The following GPR19 variants were observed in gnomAD, a reference collection of about 807,000 sequenced individuals.
GPR19 encodes probable G protein-coupled receptor 19.
A neutral mutation model predicts 28.5 loss-of-function variants in GPR19; 14 were observed. The ratio of observed to expected loss-of-function variants is 0.49; its 90% CI spans 0.32 to 0.77. The LOEUF (loss-of-function observed/expected upper bound fraction) is 0.77, where lower values mean the gene tolerates loss of function less well. Among genes scored for constraint, GPR19 ranks in the 30% least tolerant of loss-of-function variants. The pLI is 0.03. For missense variants in GPR19, 409 were observed against 504.1 expected, an observed-to-expected ratio of 0.81 and a Z score of 1.81; for synonymous variants, 173 against 184.1, an observed-to-expected ratio of 0.94 and a Z score of 0.49.
intron 3 of GPR19, among the ~76,000 whole-genome samples, chr12:12,667,793 T>G (rs1592254451): frequency 6.6e-6 from 1 of 152,258 alleles, no homozygotes; most frequent in African/African-American, 2.4e-5. Flanking sequence ...CTTTGCTTTG[T>G]AATTTTTATT....
intron 3 of GPR19, among the ~76,000 whole-genome samples, chr12:12,668,788 G>A (rs1945817237): frequency 6.6e-6 from 1 of 152,050 alleles, no homozygotes; most frequent in Admixed American, 6.6e-5. Context: ...CATGACAGTA[G>A]TTATAGCATT....
chr12:12,670,467 A>ACC (rs967095304), intron 3 of GPR19, among the ~76,000 whole-genome samples: 5 of 152,142 alleles, frequency 3.3e-5, no homozygotes, highest in African/African-American at 1.2e-4. Flanking sequence ...AAGTTACCTA[A>ACC]CCCTCTTGAG....
upstream of GPR19, among the ~76,000 whole-genome samples, chr12:12,698,680 G>A (rs1448584128): frequency 6.6e-6 from 1 of 150,942 alleles, no homozygotes; most frequent in South Asian, 2.1e-4. Flanking sequence ...GCTTGATCTC[G>A]GCTCACTGTG....
chr12:12,673,531 G>A (rs781609906), intron 3 of GPR19, among the ~76,000 whole-genome samples: 8 of 152,148 alleles, frequency 5.3e-5, no homozygotes, highest in Non-Finnish European at 1.0e-4. Flanking sequence ...ATCTCTGAAA[G>A]CACCCTGTCT....
chr12:12,707,288 C>T, the GPR19 span, among the ~76,000 whole-genome samples: 22 of 152,322 alleles, frequency 1.4e-4, no homozygotes, highest in Non-Finnish European at 2.5e-4. Context: ...CCTTCATTAC[C>T]CTCCGTACTC....
At chr12:12,683,942 C>G (rs1021661029) in intron 3 of GPR19, among the ~76,000 whole-genome samples, 5 of 15,924 alleles carry the variant, frequency 3.1e-4, no homozygotes, top group Non-Finnish European at 6.1e-4. Context: ...CTGCCCACTT[C>G]AGCTCCCCAA....
Position 12,661,446 on chromosome 12 carries a change from C to T in GPR19, c.1003G>A (p.Ala335Thr). The change falls in exon 4 of 4, where the codon GCC (alanine) becomes ACC (threonine). Residue 335 changes from alanine to threonine, a missense_variant. Coordinates refer to ENST00000651487, the MANE Select transcript of GPR19 (RefSeq NM_006143.3). The surrounding 1 kb of genome is among the most constrained non-coding windows in gnomAD (Gnocchi z 4.2). The stretch of plus-strand genomic sequence containing the variant: ...TCTTTCATCCCTCTCCGAAAATTGG[C>T]ATTATAAATTGAATACAGAGTAGGT... ...SKPTLYSIYN[A>T]NFRRGMKETF... is the part of the protein sequence containing the mutation. 6.2e-7 allele frequency: 1 copy of T among 1,613,456 alleles called. No homozygotes were observed. The highest frequency in any genetic ancestry group is 8.5e-7 in the Non-Finnish European group (1 of 1,179,498).
At position 12,662,107 on chromosome 12, in the gene GPR19, G is replaced by C. The variant is rs1343952765; in HGVS notation, c.342C>G (p.Ile114Met). The change falls in exon 4 of 4, where the codon ATC becomes ATG. Residue 114 changes from isoleucine (I) to methionine (M), a missense_variant. Coordinates refer to ENST00000651487, the MANE Select transcript of GPR19 (RefSeq NM_006143.3). ...VVSMACADLL[I>M]SVASTPFVLL... ...GGACGAAAGGCGTGCTGGCAACGCT[G>C]ATGAGAAGGTCAGCACATGCCATGG... The C allele has an allele frequency of 6.2e-7, 1 of 1,614,112 alleles. No homozygotes were observed. Among genetic ancestry groups the C allele is most frequent in the Non-Finnish European group, 8.5e-7 (1 of 1,180,014 alleles).
intron 3 of GPR19, among the ~76,000 whole-genome samples, chr12:12,670,172 A>C (rs945972157): frequency 6.6e-5 from 10 of 152,222 alleles, no homozygotes; most frequent in Non-Finnish European, 1.5e-4. Context: ...AGGTTGCTAG[A>C]TAAAATACAG....
At chr12:12,665,937 G>C (rs1179341986) in intron 3 of GPR19, among the ~76,000 whole-genome samples, 1 of 151,480 alleles carries the variant, frequency 6.6e-6, no homozygotes. Context: ...CTTTGTACAA[G>C]GAGCTAAGTA....
chr12:12,674,938 A>C (rs1485277996), intron 3 of GPR19, among the ~76,000 whole-genome samples: 1 of 152,178 alleles, frequency 6.6e-6, no homozygotes, highest in African/African-American at 2.4e-5. Flanking sequence ...GCTATAAGAG[A>C]GCATGGTGAG....
chr12:12,688,348 T>C (rs746662769), intron 2 of GPR19, among the ~76,000 whole-genome samples: 2 of 119,432 alleles, frequency 1.7e-5, no homozygotes, highest in Non-Finnish European at 3.8e-5. Flanking sequence ...TAATGTCGAG[T>C]TTTTTTTTTT....
intron 2 of GPR19, among the ~76,000 whole-genome samples, chr12:12,693,679 C>T (rs557102547): frequency 6.6e-6 from 1 of 152,308 alleles, no homozygotes; most frequent in East Asian, 1.9e-4. Context: ...ACTTATCTGC[C>T]TGTCTCAAGC....
In GPR19 at chr12:12,663,817, G is replaced by A. The variant is rs563706849; in HGVS notation, c.-22-1347C>T. Among the ~76,000 whole-genome samples, 3 of 152,096 alleles carry A rather than the reference G, an allele frequency of 2.0e-5. No homozygotes were observed. In the South Asian group the frequency reaches 6.2e-4, roughly 32 times the overall value. On this transcript the variant is annotated intron_variant, in intron 3 of 3. Coordinates refer to ENST00000651487, the MANE Select transcript of GPR19 (RefSeq NM_006143.3). ...CATGTGGGGTTACAGCCACCATTTT[G>A]CAGAGATTCCATCTGGCCTGTGGCA...
intron 3 of GPR19, among the ~76,000 whole-genome samples, chr12:12,665,119 C>T (rs1477385192): frequency 6.6e-6 from 1 of 151,974 alleles, no homozygotes; most frequent in African/African-American, 2.4e-5. Flanking sequence ...AGACAATTTC[C>T]CCAGACAGAA....
At position 12,661,484 on chromosome 12, in the gene GPR19, G is replaced by A. The variant is rs778319043; in HGVS notation, c.965C>T (p.Ser322Phe). Residue 322 changes from serine (S) to phenylalanine (F), a missense_variant, in exon 4 of 4, where the codon TCT becomes TTT. Ser to Phe is a radical substitution (Grantham distance 155). Transcript: ENST00000651487. The surrounding 1 kb of genome is among the most constrained non-coding windows in gnomAD (Gnocchi z 4.2). ...FTAITWISFS[S>F]SASKPTLYSI... is the part of the protein sequence containing the mutation. Reference sequence around the variant, plus strand: ...ATACAGAGTAGGTTTAGAGGCTGAAGAACTAAAGGATATCCATGTGATAGC... The same window carrying A: ...ATACAGAGTAGGTTTAGAGGCTGAAAAACTAAAGGATATCCATGTGATAGC... The A allele has an allele frequency of 6.2e-7, 1 of 1,613,574 alleles. No homozygotes were observed. Among genetic ancestry groups the A allele is most frequent in the South Asian group, 1.1e-5 (1 of 91,078 alleles).
At chr12:12,710,691 T>C in the GPR19 span, among the ~76,000 whole-genome samples, 3 of 152,078 alleles carry the variant, frequency 2.0e-5, no homozygotes, top group Admixed American at 2.0e-4. Context: ...TGCACAACAC[T>C]GTGCCCAGCT....
At chr12:12,668,863 C>G (rs1021402216) in intron 3 of GPR19, 1 of 152,122 alleles carries the variant, frequency 6.6e-6, no homozygotes, top group Non-Finnish European at 1.5e-5. Flanking sequence ...ATATGTGTAA[C>G]CCCTCAAAGT....
chr12:12,689,229 G>A (rs560425506), intron 2 of GPR19, among the ~76,000 whole-genome samples: 4 of 152,132 alleles, frequency 2.6e-5, no homozygotes, highest in Admixed American at 2.6e-4. Context: ...TCTGTCCCAC[G>A]ACCCAAACAC....
Sources: allele counts gnomAD v4.1 joint callset (sites outside exome capture counted in the v4.1 genomes callset), GRCh38; gene constraint gnomAD v4.1.1; non-coding constraint Gnocchi (gnomAD v3.1); transcripts MANE v1.5; gene names NCBI Gene and HGNC (gene_info 2026-07-23, HGNC 2026-07-21).